HERC3: variants seen among roughly 807,000 people sequenced by gnomAD.
The protein encoded by HERC3 is probable E3 ubiquitin-protein ligase HERC3.
A neutral mutation model predicts 129.9 loss-of-function variants in HERC3; 58 were observed. The ratio of observed to expected loss-of-function variants is 0.45; its 90% CI spans 0.36 to 0.56. HERC3 has a LOEUF of 0.56. Among genes scored for constraint, HERC3 ranks in the 20% least tolerant of loss-of-function variants. The pLI, the probability that HERC3 is intolerant of heterozygous loss-of-function variation, is 0.00. For synonymous variants in HERC3, 430 were observed against 451.0 expected (o/e 0.95, Z 0.59); for missense variants, 835 against 1,244.2 (o/e 0.67, Z 4.95).
intron 3 of HERC3, among the ~76,000 whole-genome samples, chr4:88,627,389 G>T (rs1486724579): frequency 1.3e-5 from 2 of 152,056 alleles, no homozygotes; most frequent in Admixed American, 6.5e-5. Context: ...TATTTATATA[G>T]CATTTACATT....
At chr4:88,655,571 GA>G (rs1729794925) in intron 8 of HERC3, among the ~76,000 whole-genome samples, 1 of 152,168 alleles carries the variant, frequency 6.6e-6, no homozygotes, top group Admixed American at 6.5e-5. Context: ...GGAAAAGTGA[GA>G]GAGTCCCAAA....
chr4:88,635,545 A>G (rs1026391054), intron 3 of HERC3, among the ~76,000 whole-genome samples: 1 of 152,212 alleles, frequency 6.6e-6, no homozygotes, highest in African/African-American at 2.4e-5. Flanking sequence ...CCTGAAAGAG[A>G]CAGGGAGAAT....
chr4:88,662,578 T>G, intron 11 of HERC3, 23 bp downstream of exon 11: 1 of 1,589,406 alleles, frequency 6.3e-7, no homozygotes, highest in African/African-American at 1.4e-5. Flanking sequence ...TTGTCTTCAT[T>G]TTTTTTTCCA....
At chr4:88,574,188 C>T in the HERC3 span, among the ~76,000 whole-genome samples, 10 of 152,192 alleles carry the variant, frequency 6.6e-5, no homozygotes, top group Non-Finnish European at 1.2e-4. Flanking sequence ...AATCCCACCA[C>T]ATTCCTAACT....
the HERC3 span, among the ~76,000 whole-genome samples, chr4:88,579,232 A>AAAAAAAATATATATATATATATATATAT: frequency 9.6e-6 from 1 of 104,092 alleles, no homozygotes; most frequent in African/African-American, 6.1e-5. Flanking sequence ...AAAAAAAAAA[A>AAAAAAAATATATATATATATATATATAT]ATATATATAT....
chr4:88,541,380 A>G, the HERC3 span, among the ~76,000 whole-genome samples: 145 of 152,374 alleles, frequency 9.5e-4, no homozygotes, highest in African/African-American at 2.7e-3. Context: ...TCAATTCAAC[A>G]AGAAGAGCTA....
At chr4:88,601,887 T>C (rs1409794813) in intron 2 of HERC3, among the ~76,000 whole-genome samples, 1 of 113,106 alleles carries the variant, frequency 8.8e-6, no homozygotes, top group Non-Finnish European at 1.6e-5. Flanking sequence ...AAACCCCGTC[T>C]CTACTAAAAA....
chr4:88,677,857 C>A, intron 18 of HERC3, 107 bp from the exon 19 acceptor site: 1 of 923,114 alleles, frequency 1.1e-6, no homozygotes, highest in Non-Finnish European at 1.6e-6. Context: ...AAAAAATTAA[C>A]AAAATGGAGA....
At chr4:88,606,100 G>A (rs756034864) in intron 3 of HERC3, 51 bp downstream of exon 3, 22 of 1,461,786 alleles carry the variant, frequency 1.5e-5, no homozygotes, top group Middle Eastern at 1.8e-4. Context: ...AAAGTTGGAG[G>A]ACACAATGGC....
intron 3 of HERC3, among the ~76,000 whole-genome samples, chr4:88,623,540 T>TGA (rs1725767709): frequency 6.6e-6 from 1 of 152,190 alleles, no homozygotes; most frequent in Admixed American, 6.5e-5. Context: ...TTCCTAACTC[T>TGA]CTCTGTCTCC....
At chr4:88,699,604 TACTG>T (rs1196136322) in intron 23 of HERC3, among the ~76,000 whole-genome samples, 2 of 151,754 alleles carry the variant, frequency 1.3e-5, no homozygotes, top group Non-Finnish European at 2.9e-5. Flanking sequence ...GAAATCATCT[TACTG>T]CATGTATCAC....
intron 21 of HERC3, among the ~76,000 whole-genome samples, chr4:88,686,492 T>C (rs1733478141): frequency 6.6e-6 from 1 of 152,236 alleles, no homozygotes; most frequent in Non-Finnish European, 1.5e-5. Flanking sequence ...TGATTTTCTT[T>C]TCAAGTCTAA....
At chr4:88,692,570 G>A (rs1377894662) in intron 23 of HERC3, among the ~76,000 whole-genome samples, 1 of 152,182 alleles carries the variant, frequency 6.6e-6, no homozygotes, top group African/African-American at 2.4e-5. Flanking sequence ...GAGGGATGCA[G>A]TCTTTAAGAT....
Position 88,706,925 on chromosome 4 carries a change from G to A in HERC3, c.3118G>A (p.Ala1040Thr). ...GATTCTGAGTGCCCGGCTGACCCAG[G>A]CCCTTGACAACTATGAAGGGTTTAG... ...KEILSARLTQ[A>T]LDNYEGFSLA The change falls in exon 26 of 26, where the codon GCC (alanine) becomes ACC (threonine). Residue 1040 changes from alanine (A) to threonine (T), a missense_variant. Transcript: ENST00000402738. 1 of 1,614,188 alleles carries A rather than the reference G, an allele frequency of 6.2e-7. No homozygotes were observed. Among genetic ancestry groups the A allele is most frequent in the South Asian group, 1.1e-5 (1 of 91,084 alleles).
chr4:88,622,563 T>G (rs903116490), intron 3 of HERC3, among the ~76,000 whole-genome samples: 10 of 152,230 alleles, frequency 6.6e-5, no homozygotes, highest in Admixed American at 6.5e-4. Flanking sequence ...ACCTTCAGAT[T>G]GTTCTCTAAA....
Position 88,676,431 on chromosome 4 carries a change from AT to A in HERC3, c.2025+12del. 1 of 1,570,176 alleles carries A rather than the reference AT, an allele frequency of 6.4e-7. No homozygotes were observed. Among genetic ancestry groups the A allele is most frequent in the South Asian group, 1.1e-5 (1 of 89,306 alleles). The stretch of plus-strand genomic sequence containing the variant: ...GCTGAACTACAGATGCAGGTATCAT[AT>A]TTTAGAAATTATTTCTTCTTTTTAC... On this transcript the variant is annotated intron_variant, in intron 18 of 25. Coordinates refer to ENST00000402738, the MANE Select transcript of HERC3 (RefSeq NM_014606.3).
intron 3 of HERC3, among the ~76,000 whole-genome samples, chr4:88,617,857 C>T (rs989474935): frequency 6.6e-6 from 1 of 150,764 alleles, no homozygotes; most frequent in East Asian, 1.9e-4. Flanking sequence ...GGCGACACAG[C>T]GAGACTCCGT....
At chr4:88,690,707 T>C (rs1733985895) in intron 23 of HERC3, 1 of 640,668 alleles carries the variant, frequency 1.6e-6, no homozygotes, top group African/African-American at 2.0e-5. Context: ...TTTGTCAAGT[T>C]ATTTCTCTTA....
chr4:88,530,616 T>G, the HERC3 span, among the ~76,000 whole-genome samples: 86 of 152,296 alleles, frequency 5.6e-4, no homozygotes, highest in East Asian at 0.013. Flanking sequence ...AAGTAGAATA[T>G]AAAAGTTTGC....
Sources: gnomAD v4.1 joint callset for allele counts (sites outside exome capture counted in the v4.1 genomes callset) on GRCh38, gnomAD v4.1.1 for gene constraint, MANE v1.5 for transcripts, NCBI Gene and HGNC (gene_info 2026-07-23, HGNC 2026-07-21) for gene names.